GAPVD1: variants seen among roughly 807,000 people sequenced by gnomAD.
The protein encoded by GAPVD1 is GTPase-activating protein and VPS9 domain-containing protein 1.
In GAPVD1, 35 loss-of-function variants were observed where a neutral mutation model predicts 155.5. The ratio of observed to expected loss-of-function variants is 0.23; its 90% CI spans 0.17 to 0.30. The LOEUF (loss-of-function observed/expected upper bound fraction) is 0.30. Among genes scored for constraint, GAPVD1 ranks in the 10% least tolerant of loss-of-function variants. The pLI, the probability that GAPVD1 is intolerant of heterozygous loss-of-function variation, is 1.00. For missense variants in GAPVD1, 1,429 were observed against 1,775.7 expected, an observed-to-expected ratio of 0.80 and a Z score of 3.51; for synonymous variants, 636 against 619.7, an observed-to-expected ratio of 1.03 and a Z score of -0.39.
At chr9:125,354,452 A>G (rs1849764577) in intron 23 of GAPVD1, among the ~76,000 whole-genome samples, 1 of 152,212 alleles carries the variant, frequency 6.6e-6, no homozygotes, top group Non-Finnish European at 1.5e-5. Flanking sequence ...TCTGTTCTGC[A>G]GCTGGCACCA....
intron 2 of GAPVD1, among the ~76,000 whole-genome samples, chr9:125,287,531 T>C (rs775482153): frequency 5.9e-5 from 9 of 151,432 alleles, no homozygotes; most frequent in African/African-American, 1.7e-4. Context: ...AAAAGAAAAA[T>C]GGGAAGGCCA....
At chr9:125,317,643 GAAAA>G (rs959885281) in intron 9 of GAPVD1, among the ~76,000 whole-genome samples, 2 of 142,408 alleles carry the variant, frequency 1.4e-5, no homozygotes, top group African/African-American at 2.6e-5. Context: ...AAAAAAAAAA[GAAAA>G]GAAAGAAAAG....
chr9:125,327,517 A>G (rs1201304758), intron 12 of GAPVD1, among the ~76,000 whole-genome samples: 1 of 151,728 alleles, frequency 6.6e-6, no homozygotes, highest in African/African-American at 2.4e-5. Flanking sequence ...TGTTTTTTTA[A>G]TTTAAGATAG....
At chr9:125,290,080 C>T (rs1291258393) in intron 2 of GAPVD1, among the ~76,000 whole-genome samples, 2 of 152,052 alleles carry the variant, frequency 1.3e-5, no homozygotes, top group Non-Finnish European at 2.9e-5. Flanking sequence ...GATTTAGTAG[C>T]ATGTTTATTG....
At chr9:125,312,830 T>G (rs1286168150) in intron 9 of GAPVD1, among the ~76,000 whole-genome samples, 1 of 151,870 alleles carries the variant, frequency 6.6e-6, no homozygotes, top group African/African-American at 2.4e-5. Context: ...TTGGGCTTAT[T>G]TTTTTTTGAG....
chr9:125,276,489 G>A (rs1213501608), intron 2 of GAPVD1, among the ~76,000 whole-genome samples: 1 of 152,114 alleles, frequency 6.6e-6, no homozygotes, highest in Non-Finnish European at 1.5e-5. Flanking sequence ...AGGAGTTTGA[G>A]ACCAGCCTGA....
intron 17 of GAPVD1, among the ~76,000 whole-genome samples, chr9:125,340,650 C>T (rs1454482136): frequency 6.6e-6 from 1 of 152,048 alleles, no homozygotes; most frequent in Non-Finnish European, 1.5e-5. Flanking sequence ...TTTATTTGTA[C>T]TGCATTTACT....
intron 10 of GAPVD1, 145 bp from the exon 11 acceptor site, chr9:125,323,653 T>A: frequency 1.4e-6 from 1 of 719,670 alleles, no homozygotes. Flanking sequence ...AAGCAGAATT[T>A]CTCAAAGGGC....
intron 13 of GAPVD1, among the ~76,000 whole-genome samples, chr9:125,331,186 C>G (rs1455632009): frequency 6.8e-6 from 1 of 146,986 alleles, no homozygotes; most frequent in Non-Finnish European, 1.5e-5. Context: ...ATTAAGTGAT[C>G]CTGATATGTG....
At chr9:125,276,237 A>G (rs949295280) in intron 2 of GAPVD1, among the ~76,000 whole-genome samples, 1 of 152,150 alleles carries the variant, frequency 6.6e-6, no homozygotes, top group African/African-American at 2.4e-5. Flanking sequence ...TCTTTTTTCT[A>G]CAATGTTTCA....
At chr9:125,305,843 G>C (rs1841709659) in intron 6 of GAPVD1, among the ~76,000 whole-genome samples, 1 of 151,966 alleles carries the variant, frequency 6.6e-6, no homozygotes. Flanking sequence ...TTATAGAGAC[G>C]AGGTCTTGTT....
At chr9:125,353,509 AG>A (rs1195028095) in intron 23 of GAPVD1, among the ~76,000 whole-genome samples, 2 of 152,166 alleles carry the variant, frequency 1.3e-5, no homozygotes, top group Non-Finnish European at 2.9e-5. Flanking sequence ...TCTTTTTAGC[AG>A]TACCCCACTC....
rs1480774053 is a variant in GAPVD1, at chr9:125,365,008, T to G, written c.*2262T>G. The G allele has an allele frequency of 6.6e-6, 1 of 152,364 alleles. No individual in the cohort carries two copies. The highest frequency in any genetic ancestry group is 2.4e-5 in the African/African-American group (1 of 41,436). The allele number at this position is 152,364 out of a possible 1,614,324, so 9.4% of individuals were successfully genotyped here. On this transcript the variant is annotated 3_prime_UTR_variant, in exon 28 of 28. Transcript: ENST00000297933. Reference sequence around the variant, plus strand: ...GAAATAAATATGAAGATGTGGACATTGCATCGGGGCTCTTTTCTGTGGAAG... The same window carrying G: ...GAAATAAATATGAAGATGTGGACATGGCATCGGGGCTCTTTTCTGTGGAAG...
At chr9:125,281,987 A>C (rs1293292225) in intron 2 of GAPVD1, among the ~76,000 whole-genome samples, 1 of 152,106 alleles carries the variant, frequency 6.6e-6, no homozygotes, top group African/African-American at 2.4e-5. Flanking sequence ...CACCTGGCTA[A>C]TTTTTAAAAA....
intron 8 of GAPVD1, 57 bp from the exon 9 acceptor site, chr9:125,312,395 A>T (rs1194619348): frequency 5.6e-6 from 6 of 1,079,494 alleles, no homozygotes; most frequent in Non-Finnish European, 8.1e-6. Context: ...TATTTAGCAT[A>T]CCATTTTCTT....
intron 4 of GAPVD1, among the ~76,000 whole-genome samples, chr9:125,301,422 A>T (rs1487037914): frequency 2.0e-5 from 3 of 151,310 alleles, no homozygotes; most frequent in South Asian, 2.1e-4. Context: ...AGTTTTTAGG[A>T]TCTACAAACT....
chr9:125,325,140 G>T (rs113881645), intron 11 of GAPVD1, among the ~76,000 whole-genome samples: 4 of 152,048 alleles, frequency 2.6e-5, no homozygotes, highest in African/African-American at 9.6e-5. Flanking sequence ...CACGAGAATC[G>T]CTTGAACCTG....
intron 21 of GAPVD1, 85 bp from the exon 22 acceptor site, chr9:125,350,210 G>GT: frequency 1.3e-6 from 1 of 782,138 alleles, no homozygotes. Flanking sequence ...GAGTCCTAAG[G>GT]TAACATTAAT....
At position 125,332,113 on chromosome 9, in the gene GAPVD1, C is replaced by A. The variant is rs925818150; in HGVS notation, c.2308+53C>A. ...GGATTTGAAGGTGTTCACCCCCTAC[C>A]CCCTCCTATTTATAAAGTTGATACA... On this transcript the variant is annotated intron_variant, in intron 14 of 27. Transcript: ENST00000297933. 4.4e-5 allele frequency: 66 copies of A among 1,509,390 alleles called. No individual in the cohort carries two copies. The Admixed American group carries it at 1.2e-3, about 27-fold the overall frequency. The allele number at this position is 1,509,390 out of a possible 1,614,324, so 93.5% of individuals were successfully genotyped here.
Sources: gnomAD v4.1 joint callset for allele counts (sites outside exome capture counted in the v4.1 genomes callset) on GRCh38, gnomAD v4.1.1 for gene constraint, MANE v1.5 for transcripts, NCBI Gene and HGNC (gene_info 2026-07-23, HGNC 2026-07-21) for gene names.